Variants in LEMD3 observed in about 807,000 individuals in gnomAD.
LEMD3 encodes inner nuclear membrane protein Man1.
LEMD3 carries 33 observed loss-of-function variants against 95.2 expected under a neutral mutation model. That is an observed-to-expected ratio of 0.35 (90% CI 0.26 to 0.46). The LOEUF (loss-of-function observed/expected upper bound fraction) is 0.46. LEMD3 is among the 20% of genes least tolerant of loss of function. LEMD3 has a pLI of 1.00. For missense variants in LEMD3, 1,210 were observed against 1,192.8 expected, an observed-to-expected ratio of 1.01 and a Z score of -0.21; for synonymous variants, 525 against 474.6, an observed-to-expected ratio of 1.11 and a Z score of -1.38.
chr12:65,201,788 G>A (rs997343956), intron 1 of LEMD3, among the ~76,000 whole-genome samples: 4 of 151,952 alleles, frequency 2.6e-5, no homozygotes, highest in African/African-American at 9.7e-5. Flanking sequence ...TATTGCATTA[G>A]CTAGGACTTG....
chr12:65,187,000 A>G lies in LEMD3; in HGVS notation c.1522+15882A>G, dbSNP rs7300725. ...GGACTTTTACATATGTTCTTACACA[A>G]TCAGCTTTACCAATTTATTACAGGG... is the stretch of plus-strand genomic sequence containing the variant. On this transcript the variant is annotated intron_variant, in intron 1 of 12. Transcript: ENST00000308330. Among the ~76,000 whole-genome samples the G allele has an allele frequency of 2.4e-4, 37 of 152,226 alleles. 1 individual carries two copies. Among genetic ancestry groups the G allele is most frequent in the African/African-American group, 8.9e-4 (37 of 41,568 alleles).
chr12:65,228,058 C>G (rs1172401838), intron 4 of LEMD3, among the ~76,000 whole-genome samples: 2 of 152,002 alleles, frequency 1.3e-5, no homozygotes, highest in Admixed American at 6.6e-5. Context: ...CAAGATAGGA[C>G]CTGACCAGTA....
chr12:65,194,404 G>A (rs10878242), intron 1 of LEMD3, among the ~76,000 whole-genome samples: 70,795 of 151,888 alleles, frequency 0.47, 19,148 homozygotes, highest in Middle Eastern at 0.67. Context: ...GGAGGCTAGG[G>A]TTTTTCAAGG....
At chr12:65,174,773 A>G (rs1868663473) in intron 1 of LEMD3, among the ~76,000 whole-genome samples, 3 of 152,188 alleles carry the variant, frequency 2.0e-5, no homozygotes, top group Admixed American at 2.0e-4. Flanking sequence ...GGAAGATGAA[A>G]TCTCTGTTAC....
rs1430061134 is a variant in LEMD3 at position 65,218,636 on chromosome 12, G to T, written c.1695+17G>T. On this transcript the variant is annotated intron_variant, in intron 4 of 12. Coordinates refer to ENST00000308330, the MANE Select transcript of LEMD3 (RefSeq NM_014319.5). ...TATTTAAAAGTAAGCAATGAAATTAGAATTTTAATAGCTATATTTTAAAAA... is the reference window on the plus strand; with the variant it reads ...TATTTAAAAGTAAGCAATGAAATTATAATTTTAATAGCTATATTTTAAAAA... The T allele has an allele frequency of 1.4e-6, 2 of 1,478,836 alleles. No homozygotes were observed. Among genetic ancestry groups the T allele is most frequent in the East Asian group, 2.3e-5 (1 of 42,760 alleles). The allele number at this position is 1,478,836 out of a possible 1,614,324, so 91.6% of individuals were successfully genotyped here. A position where few individuals can be genotyped will look rare whatever the true frequency, so the allele number is the denominator to read the frequency against.
intron 1 of LEMD3, among the ~76,000 whole-genome samples, chr12:65,201,673 G>GT (rs561698114): frequency 6.4e-4 from 98 of 152,008 alleles, no homozygotes; most frequent in African/African-American, 9.9e-4. Context: ...AGTTCCAGGA[G>GT]TTTTTTTTGA....
At chr12:65,235,173 T>C (rs1363093691) in intron 4 of LEMD3, among the ~76,000 whole-genome samples, 1 of 152,114 alleles carries the variant, frequency 6.6e-6, no homozygotes, top group Non-Finnish European at 1.5e-5. Flanking sequence ...TTTTTAAAAA[T>C]GTATGGTAGT....
chr12:65,218,893 A>G (rs1870195290), intron 4 of LEMD3, among the ~76,000 whole-genome samples: 1 of 149,362 alleles, frequency 6.7e-6, no homozygotes, highest in South Asian at 2.1e-4. Context: ...GGTTCAAGCG[A>G]TTCTCCTGCC....
intron 1 of LEMD3, among the ~76,000 whole-genome samples, chr12:65,195,987 A>G (rs930191859): frequency 6.6e-6 from 1 of 152,044 alleles, no homozygotes; most frequent in African/African-American, 2.4e-5. Flanking sequence ...TTCCTCAGCA[A>G]ATTTCTGGGG....
In LEMD3 at chr12:65,210,786, T is replaced by A; in HGVS notation, c.1523-140T>A. On this transcript the variant is annotated intron_variant, in intron 1 of 12. Coordinates refer to ENST00000308330, the MANE Select transcript of LEMD3 (RefSeq NM_014319.5). Reference sequence around the variant, plus strand: ...GAAAAATTACTTCCCTAACCTTTATTATCACCAGTTTGTTTACATTTGGTT... The same window carrying A: ...GAAAAATTACTTCCCTAACCTTTATAATCACCAGTTTGTTTACATTTGGTT... 5.2e-6 allele frequency: 4 copies of A among 761,940 alleles called. No homozygotes were observed. The South Asian group carries it at 5.5e-5, about 10-fold the overall frequency. 47.2% of individuals were successfully genotyped at this position (761,940 alleles called of 1,614,324 possible).
In LEMD3 at chr12:65,246,211, C is replaced by G. The variant is rs143860838; in HGVS notation, c.2622C>G (p.Arg874=). The G allele has an allele frequency of 3.7e-5, 60 of 1,612,680 alleles. No individual in the cohort carries two copies. The African/African-American group carries it at 7.7e-4, about 21-fold the overall frequency. The change falls in exon 13 of 13, where the codon CGC becomes CGG. Residue 874 remains arginine (R), a synonymous_variant. Transcript: ENST00000308330. The part of the protein sequence containing the change: ...KYLRLDRYHH[R]FPQALTSNTP... ...TACGACTAGATAGATACCACCATCG[C>G]TTTCCCCAGGCTCTCACTTCCAACA... is the stretch of plus-strand genomic sequence containing the variant.
chr12:65,233,643 A>G (rs1166231349), intron 4 of LEMD3, among the ~76,000 whole-genome samples: 1 of 152,146 alleles, frequency 6.6e-6, no homozygotes, highest in Non-Finnish European at 1.5e-5. Context: ...CTGCATGGCT[A>G]TTACTGTGTA....
intron 1 of LEMD3, among the ~76,000 whole-genome samples, chr12:65,177,386 T>C (rs1178366011): frequency 2.0e-5 from 3 of 151,630 alleles, no homozygotes; most frequent in African/African-American, 4.9e-5. Context: ...AAGAGACAGA[T>C]AGGAGTCAAA....
intron 1 of LEMD3, among the ~76,000 whole-genome samples, chr12:65,175,772 G>A (rs1868701219): frequency 6.6e-6 from 1 of 151,986 alleles, no homozygotes; most frequent in African/African-American, 2.4e-5. Context: ...CTGAGATCTA[G>A]GTATACCTAT....
At chr12:65,238,399 G>A (rs1037830451) in intron 4 of LEMD3, 103 bp from the exon 5 acceptor site, 3 of 713,092 alleles carry the variant, frequency 4.2e-6, no homozygotes, top group Non-Finnish European at 7.2e-6. Flanking sequence ...TTTATGTTAT[G>A]TAGTTAAAAT....
chr12:65,205,479 G>A (rs1869734864), intron 1 of LEMD3, among the ~76,000 whole-genome samples: 1 of 152,062 alleles, frequency 6.6e-6, no homozygotes, highest in Non-Finnish European at 1.5e-5. Context: ...TACTTCCTTA[G>A]ACACATTGTT....
intron 1 of LEMD3, among the ~76,000 whole-genome samples, chr12:65,207,794 T>C (rs925510240): frequency 1.3e-5 from 2 of 152,124 alleles, no homozygotes; most frequent in Admixed American, 6.5e-5. Flanking sequence ...AAGCATATAC[T>C]TTGAAGTTTA....
rs1274805404 is a variant in LEMD3 at position 65,247,785 on chromosome 12, A to C, written c.*1460A>C. The C allele has an allele frequency of 6.6e-6, 1 of 152,610 alleles. No homozygotes were observed. The highest frequency in any genetic ancestry group is 2.4e-5 in the African/African-American group (1 of 41,444). The allele number at this position is 152,610 out of a possible 1,614,324, so 9.5% of individuals were successfully genotyped here. A position where few individuals can be genotyped will look rare whatever the true frequency, so the allele number is the denominator to read the frequency against. On this transcript the variant is annotated 3_prime_UTR_variant, in exon 13 of 13. Coordinates refer to ENST00000308330, the MANE Select transcript of LEMD3 (RefSeq NM_014319.5). The stretch of plus-strand genomic sequence containing the variant: ...TTCTGGTTAAGTAAACATGATGCAC[A>C]CTATTCTGTAACAGAAAGCCCTATT...
In LEMD3 at chr12:65,170,714, C is replaced by G. The variant is rs1013010389; in HGVS notation, c.1118C>G (p.Thr373Ser). The change falls in exon 1 of 13, where the codon ACT (threonine) becomes AGT (serine). Residue 373 changes from threonine to serine, a missense_variant. Coordinates refer to ENST00000308330, the MANE Select transcript of LEMD3 (RefSeq NM_014319.5). ...KLTPLLPPPL[T>S]DMDSTLDSST... ...ACCCCTCTCCTGCCCCCGCCACTTA[C>G]TGACATGGACTCAACCTTGGATTCG... 1 of 1,614,264 alleles carries G rather than the reference C, an allele frequency of 6.2e-7. No homozygotes were observed. The highest frequency in any genetic ancestry group is 8.5e-7 in the Non-Finnish European group (1 of 1,180,048).
Sources: allele counts gnomAD v4.1 joint callset (sites outside exome capture counted in the v4.1 genomes callset), GRCh38; gene constraint gnomAD v4.1.1; transcripts MANE v1.5; gene names NCBI Gene and HGNC (gene_info 2026-07-23, HGNC 2026-07-21).